The following FRMPD4 variants were observed in gnomAD, a reference collection of about 807,000 sequenced individuals.
The protein encoded by FRMPD4 is FERM and PDZ domain containing 4.
A neutral mutation model predicts 94.1 loss-of-function variants in FRMPD4; 22 were observed. That is an observed-to-expected ratio of 0.23 (90% confidence interval 0.17 to 0.33). The LOEUF (loss-of-function observed/expected upper bound fraction) is 0.33, where lower values mean the gene tolerates loss of function less well. Among genes scored for constraint, FRMPD4 ranks in the 10% least tolerant of loss-of-function variants. The pLI is 1.00. For missense variants in FRMPD4, 1,111 were observed against 1,339.9 expected, an observed-to-expected ratio of 0.83 and a Z score of 2.67; for synonymous variants, 631 against 548.6, an observed-to-expected ratio of 1.15 and a Z score of -2.10.
intron 4 of FRMPD4, among the ~76,000 whole-genome samples, chrX:12,669,640 T>C (rs2059818763): frequency 8.9e-6 from 1 of 112,139 alleles, no homozygotes; most frequent in South Asian, 3.7e-4. Flanking sequence ...AAGTCAGAGA[T>C]GAGATGATTA....
intron 2 of FRMPD4, among the ~76,000 whole-genome samples, chrX:12,570,883 G>A (rs1345165506): frequency 2.7e-5 from 3 of 111,660 alleles, no homozygotes; most frequent in Non-Finnish European, 5.6e-5. Context: ...ATATCATCAC[G>A]CTACTCAGAA....
intron 3 of FRMPD4, among the ~76,000 whole-genome samples, chrX:11,953,786 G>A (rs1246803176): frequency 2.7e-5 from 3 of 112,004 alleles, no homozygotes; most frequent in Non-Finnish European, 5.6e-5. Flanking sequence ...TCAGCATATT[G>A]ATGCTATTGG....
intron 3 of FRMPD4, among the ~76,000 whole-genome samples, chrX:11,960,454 GC>G (rs1486841396): frequency 8.9e-6 from 1 of 111,751 alleles, no homozygotes; most frequent in African/African-American, 3.3e-5. Flanking sequence ...CATATCAGGG[GC>G]TGATATGTTG....
chrX:12,026,303 C>A (rs1177552210), intron 3 of FRMPD4, among the ~76,000 whole-genome samples: 18 of 111,603 alleles, frequency 1.6e-4, no homozygotes, highest in Non-Finnish European at 3.4e-4. Context: ...TTATTTAATA[C>A]ATTTTTATGT....
At chrX:12,501,921 T>C (rs778597156) in intron 2 of FRMPD4, among the ~76,000 whole-genome samples, 14 of 112,161 alleles carry the variant, frequency 1.2e-4, no homozygotes, top group South Asian at 7.4e-4. Context: ...TAGGGCTGGG[T>C]AACCTGTTAT....
chrX:12,559,827 A>G (rs1045028558), intron 2 of FRMPD4, among the ~76,000 whole-genome samples: 1 of 111,982 alleles, frequency 8.9e-6, no homozygotes, highest in Non-Finnish European at 1.9e-5. Flanking sequence ...AATTTAGGGA[A>G]GAGAAGAAAG....
At chrX:12,362,427 A>G (rs909841868) in intron 1 of FRMPD4, among the ~76,000 whole-genome samples, 5 of 110,320 alleles carry the variant, frequency 4.5e-5, no homozygotes, top group East Asian at 2.8e-4. Context: ...TCATTGTTCA[A>G]TTCCCACCTA....
intron 10 of FRMPD4, among the ~76,000 whole-genome samples, chrX:12,703,322 A>T (rs188581588): frequency 1.0e-3 from 114 of 112,909 alleles, no homozygotes; most frequent in Non-Finnish European, 1.8e-3. Context: ...TATTTAAAAT[A>T]ATGATACAAG....
intron 1 of FRMPD4, among the ~76,000 whole-genome samples, chrX:12,187,894 C>A (rs1688816041): frequency 8.9e-6 from 1 of 111,782 alleles, no homozygotes; most frequent in Non-Finnish European, 1.9e-5. Context: ...AGGACCCAAG[C>A]ACCTTCAGAC....
At chrX:12,250,022 TTCTC>T (rs3835008) in intron 1 of FRMPD4, among the ~76,000 whole-genome samples, 16,996 of 97,340 alleles carry the variant, frequency 0.17, 1,539 homozygotes, top group East Asian at 0.52. Context: ...AATTATGGTA[TTCTC>T]TCTCTCTCTC....
At chrX:12,560,542 C>A (rs1420279767) in intron 2 of FRMPD4, among the ~76,000 whole-genome samples, 1 of 107,508 alleles carries the variant, frequency 9.3e-6, no homozygotes, top group East Asian at 2.9e-4. Flanking sequence ...AGCCTGCTAG[C>A]CAAACAAGAA....
intron 1 of FRMPD4, among the ~76,000 whole-genome samples, chrX:12,160,959 C>G (rs756289267): frequency 9.0e-6 from 1 of 110,783 alleles, no homozygotes; most frequent in Non-Finnish European, 1.9e-5. Context: ...AATATTGTTA[C>G]TTAATTCTAC....
chrX:12,166,292 G>A (rs2056116645), intron 1 of FRMPD4, among the ~76,000 whole-genome samples: 1 of 112,026 alleles, frequency 8.9e-6, no homozygotes, highest in Non-Finnish European at 1.9e-5. Flanking sequence ...GGCCTTTTCT[G>A]CATCTATTGA....
chrX:12,330,707 C>T lies in FRMPD4; in HGVS notation c.42-167973C>T, dbSNP rs1006059779. On this transcript the variant is annotated intron_variant, in intron 1 of 16. Coordinates refer to ENST00000675598, the MANE Select transcript of FRMPD4 (RefSeq NM_001368397.1). Reference sequence around the variant, plus strand: ...AGAAGTGAGTGAGAAACTTTGTTTGCCGCAGTGCCCTTCTTAACTGATGCT... The same window carrying T: ...AGAAGTGAGTGAGAAACTTTGTTTGTCGCAGTGCCCTTCTTAACTGATGCT... Among the ~76,000 whole-genome samples the T allele has an allele frequency of 6.3e-5, 7 of 111,380 alleles. No individual in the cohort carries two copies. In the East Asian group the frequency reaches 1.7e-3, roughly 27 times the overall value.
intron 4 of FRMPD4, among the ~76,000 whole-genome samples, chrX:12,661,385 C>T (rs1266465277): frequency 8.9e-6 from 1 of 111,990 alleles, no homozygotes; most frequent in Admixed American, 9.5e-5. Flanking sequence ...AGCAGTGTAA[C>T]GTCTCACTCA....
At chrX:12,542,127 A>G (rs779613067) in intron 2 of FRMPD4, among the ~76,000 whole-genome samples, 43 of 112,310 alleles carry the variant, frequency 3.8e-4, no homozygotes, top group Non-Finnish European at 6.2e-4. Context: ...CCCACAGCCA[A>G]TATCATACTG....
chrX:12,380,672 T>A (rs1484555381), intron 1 of FRMPD4, among the ~76,000 whole-genome samples: 1 of 112,461 alleles, frequency 8.9e-6, no homozygotes, highest in Non-Finnish European at 1.9e-5. Flanking sequence ...CGTTGCCTGT[T>A]AAAACAGCTG....
At chrX:12,551,851 T>C (rs545812513) in intron 2 of FRMPD4, among the ~76,000 whole-genome samples, 1 of 111,547 alleles carries the variant, frequency 9.0e-6, no homozygotes, top group South Asian at 3.8e-4. Context: ...GCTTAAACAT[T>C]AAGTTACCAG....
chrX:12,593,388 A>G (rs1050027014), intron 2 of FRMPD4, among the ~76,000 whole-genome samples: 1 of 112,100 alleles, frequency 8.9e-6, no homozygotes, highest in African/African-American at 3.2e-5. Flanking sequence ...TAATTTATTT[A>G]TCTTTGGTAT....
Sources: allele counts gnomAD v4.1 joint callset (sites outside exome capture counted in the v4.1 genomes callset), GRCh38; gene constraint gnomAD v4.1.1; transcripts MANE v1.5; gene names NCBI Gene and HGNC (gene_info 2026-07-23, HGNC 2026-07-21).